TSPEAR: variants seen among roughly 807,000 people sequenced by gnomAD.
TSPEAR encodes the protein thrombospondin type laminin G domain and EAR repeats.
A neutral mutation model predicts 71.6 loss-of-function variants in TSPEAR; 69 were observed. That is an observed-to-expected ratio of 0.96 (90% CI 0.79 to 1.18). TSPEAR has a LOEUF of 1.18. TSPEAR is among the 50% of genes most tolerant of loss of function. TSPEAR has a pLI of 0.00. For missense variants in TSPEAR, 971 were observed against 894.9 expected, an observed-to-expected ratio of 1.09 and a Z score of -1.09; for synonymous variants, 402 against 387.2, an observed-to-expected ratio of 1.04 and a Z score of -0.45.
intron 9 of TSPEAR, chr21:44,516,568 G>A (rs1466641298): frequency 1.3e-5 from 2 of 152,224 alleles, no homozygotes; most frequent in African/African-American, 4.8e-5. Context: ...GCCCAGGGTG[G>A]GTTCGGCCAC....
rs1344154756 is a variant in TSPEAR, at chr21:44,667,544, G to A, written c.82+43889C>T. On this transcript the variant is annotated intron_variant, in intron 1 of 11. Transcript: ENST00000323084. The stretch of plus-strand genomic sequence containing the variant: ...ATGAGACAACACCACTGGCCCTCAT[G>A]CATGGAGACACAGCTCTAAGGAAAT... Among the ~76,000 whole-genome samples the A allele has an allele frequency of 2.0e-5, 3 of 152,216 alleles. No individual in the cohort carries two copies. In the East Asian group the frequency reaches 5.8e-4, roughly 29 times the overall value.
Position 44,550,370 on chromosome 21 carries a change from G to A in TSPEAR, c.304-16447C>T, listed in dbSNP as rs587734157. ...CACGGAGTCAGCTGGGGCCGCAGAC[G>A]CTTTATTGGTGCTCAGAGGCAGAGG... On this transcript the variant is annotated intron_variant, in intron 2 of 11. Coordinates refer to ENST00000323084, the MANE Select transcript of TSPEAR (RefSeq NM_144991.3). 9.2e-5 allele frequency: 47 copies of A among 512,936 alleles called. No individual in the cohort carries two copies. In the East Asian group the frequency reaches 9.8e-4, roughly 11 times the overall value. The allele number at this position is 512,936 out of a possible 1,614,324, so 31.8% of individuals were successfully genotyped here. A position where few individuals can be genotyped will look rare whatever the true frequency, so the allele number is the denominator to read the frequency against.
At chr21:44,607,274 T>C (rs1981373835) in intron 1 of TSPEAR, among the ~76,000 whole-genome samples, 1 of 152,166 alleles carries the variant, frequency 6.6e-6, no homozygotes, top group African/African-American at 2.4e-5. Context: ...AAGACAGGGT[T>C]TCACCATGTT....
At chr21:44,548,975 T>C (rs1157726075) in intron 2 of TSPEAR, among the ~76,000 whole-genome samples, 1 of 152,250 alleles carries the variant, frequency 6.6e-6, no homozygotes, top group Non-Finnish European at 1.5e-5. Flanking sequence ...CAAAGGACTT[T>C]TTAGCAAAGC....
chr21:44,580,618 T>A, intron 1 of TSPEAR: 1 of 1,571,734 alleles, frequency 6.4e-7, no homozygotes, highest in Non-Finnish European at 8.7e-7. Flanking sequence ...CTGGGGGAGG[T>A]GTGAGTGAGT....
chr21:44,594,041 T>G (rs1051479561), intron 1 of TSPEAR, among the ~76,000 whole-genome samples: 5 of 152,224 alleles, frequency 3.3e-5, no homozygotes, highest in African/African-American at 1.2e-4. Context: ...TTCTGAGGTT[T>G]AGGGCCTCAT....
intron 1 of TSPEAR, among the ~76,000 whole-genome samples, chr21:44,635,138 A>G (rs1478607670): frequency 1.3e-5 from 2 of 152,122 alleles, no homozygotes; most frequent in Non-Finnish European, 2.9e-5. Context: ...TGAGGTCAGG[A>G]GTTCAAGACC....
At chr21:44,548,824 TC>T (rs1340013563) in intron 2 of TSPEAR, among the ~76,000 whole-genome samples, 5 of 152,068 alleles carry the variant, frequency 3.3e-5, no homozygotes, top group African/African-American at 1.2e-4. Flanking sequence ...GAATTTTAAA[TC>T]CATGAACACT....
rs781795345 is a variant in TSPEAR, at chr21:44,627,827, G to A, written c.83-59822C>T. The A allele has an allele frequency of 1.3e-5, 21 of 1,613,688 alleles. No individual in the cohort carries two copies. Among genetic ancestry groups the A allele is most frequent in the Middle Eastern group, 3.3e-4 (2 of 6,062 alleles). On this transcript the variant is annotated intron_variant, in intron 1 of 11. Coordinates refer to ENST00000323084, the MANE Select transcript of TSPEAR (RefSeq NM_144991.3). ...CAGCAGTCTGGCTGCCAGCCGGCTT[G>A]CTGCACCACCTCCTGCTGCAGACCC...
Position 44,590,717 on chromosome 21 carries a change from C to A in TSPEAR, c.83-22712G>T, listed in dbSNP as rs917964845. On this transcript the variant is annotated intron_variant, in intron 1 of 11. Transcript: ENST00000323084. ...GGAGCTAGGCCCCGGGTGGGCTACCCCAGTCCTGGGGGGCAGCCATGAGCT... is the reference window on the plus strand; with the variant it reads ...GGAGCTAGGCCCCGGGTGGGCTACCACAGTCCTGGGGGGCAGCCATGAGCT... Among the ~76,000 whole-genome samples, 17 of 152,236 alleles carry A rather than the reference C, an allele frequency of 1.1e-4. No individual in the cohort carries two copies. The East Asian group carries it at 2.9e-3, about 26-fold the overall frequency.
chr21:44,687,016 G>C lies in TSPEAR; in HGVS notation c.82+24417C>G, dbSNP rs1308127566. 1.3e-5 allele frequency among the ~76,000 whole-genome samples: 2 copies of C among 152,192 alleles called. No homozygotes were observed. The highest frequency in any genetic ancestry group is 2.9e-5 in the Non-Finnish European group (2 of 68,036). On this transcript the variant is annotated intron_variant, in intron 1 of 11. Coordinates refer to ENST00000323084, the MANE Select transcript of TSPEAR (RefSeq NM_144991.3). This position sits in a 1 kb window ranked among gnomAD's most constrained non-coding sequence, Gnocchi z 4.4. Reference sequence around the variant, plus strand: ...GCTGAAGCTGCTGAGTCCAAAGGGGGTGTCTCCTTCCCAGTAGTTTCAGAC... The same window carrying C: ...GCTGAAGCTGCTGAGTCCAAAGGGGCTGTCTCCTTCCCAGTAGTTTCAGAC...
intron 1 of TSPEAR, chr21:44,697,679 A>G (rs781999085): frequency 1.2e-5 from 19 of 1,608,642 alleles, no homozygotes; most frequent in Non-Finnish European, 1.5e-5. Context: ...CTGCAAGCCC[A>G]TCTGCTGTGT....
chr21:44,620,453 G>T (rs74668652), intron 1 of TSPEAR, among the ~76,000 whole-genome samples: 2,404 of 152,278 alleles, frequency 0.016, 61 homozygotes, highest in African/African-American at 0.055. Context: ...TATCTAATTT[G>T]TTGGGTACAA....
At position 44,533,580 on chromosome 21, in the gene TSPEAR, C is replaced by A. The variant is rs587719607; in HGVS notation, c.542+105G>T. 5.4e-4 allele frequency: 537 copies of A among 996,344 alleles called. 8 individuals carry two copies. In the South Asian group the frequency reaches 8.0e-3, roughly 15 times the overall value. 61.7% of individuals were successfully genotyped at this position (996,344 alleles called of 1,614,324 possible). ...CTCCTGACCCTGGTCAGCTCCTGCC[C>A]CAGGACAGCTCCTGCAGGTGTTGCT... On this transcript the variant is annotated intron_variant, in intron 3 of 11. Transcript: ENST00000323084.
intron 1 of TSPEAR, among the ~76,000 whole-genome samples, chr21:44,621,276 C>A (rs1982415008): frequency 6.6e-6 from 1 of 152,180 alleles, no homozygotes; most frequent in African/African-American, 2.4e-5. Flanking sequence ...TTATTGAAGT[C>A]TCAAACTCTT....
chr21:44,705,011 C>T (rs1207556693), intron 1 of TSPEAR, among the ~76,000 whole-genome samples: 1 of 152,214 alleles, frequency 6.6e-6, no homozygotes, highest in Non-Finnish European at 1.5e-5. Context: ...AAGCTCAGCC[C>T]CTAACCCCCT....
intron 6 of TSPEAR, among the ~76,000 whole-genome samples, chr21:44,528,187 C>T (rs1420144922): frequency 2.6e-5 from 4 of 152,268 alleles, no homozygotes; most frequent in African/African-American, 4.8e-5. Context: ...CCTGGTGGGG[C>T]AGTTTCCTGT....
chr21:44,509,012 C>T, intron 10 of TSPEAR, 187 bp downstream of exon 10: 8 of 1,485,800 alleles, frequency 5.4e-6, no homozygotes, highest in Non-Finnish European at 7.3e-6. Context: ...GCACTGACTT[C>T]CCCAGGCCAG....
intron 1 of TSPEAR, chr21:44,697,782 C>T: frequency 6.2e-7 from 1 of 1,614,022 alleles, no homozygotes; most frequent in Non-Finnish European, 8.5e-7. Context: ...CCCTCCTCCT[C>T]CGTGTCCCTC....
Sources: gnomAD v4.1 joint callset for allele counts (sites outside exome capture counted in the v4.1 genomes callset) on GRCh38, gnomAD v4.1.1 for gene constraint, Gnocchi (gnomAD v3.1) non-coding constraint, MANE v1.5 for transcripts, NCBI Gene and HGNC (gene_info 2026-07-23, HGNC 2026-07-21) for gene names.